The following CNTN6 variants were observed in gnomAD, a reference collection of about 807,000 sequenced individuals.
CNTN6 encodes contactin 6.
CNTN6 carries 137 observed loss-of-function variants against 122.8 expected under a neutral mutation model. That is an observed-to-expected ratio of 1.12 (90% confidence interval 0.97 to 1.29). The LOEUF is 1.29. CNTN6 is among the 50% of genes most tolerant of loss of function. The pLI is 0.00. For missense variants in CNTN6, 1,634 were observed against 1,223.4 expected (o/e 1.34, Z -5.01); for synonymous variants, 570 against 426.0 (o/e 1.34, Z -4.16).
At chr3:1,279,782 T>G (rs1040583175) in intron 5 of CNTN6, among the ~76,000 whole-genome samples, 2 of 152,286 alleles carry the variant, frequency 1.3e-5, no homozygotes, top group African/African-American at 4.8e-5. Flanking sequence ...CTTGAAAGCG[T>G]TTTTCCATTA....
Position 1,140,173 on chromosome 3 carries a change from T to C in CNTN6, c.-82-7754T>C, listed in dbSNP as rs185823432. Among the ~76,000 whole-genome samples the C allele has an allele frequency of 8.5e-5, 13 of 152,326 alleles. No homozygotes were observed. The East Asian group carries it at 1.7e-3, about 20-fold the overall frequency. Reference sequence around the variant, plus strand: ...CTTTTTAGGAACGGAAAGTCAACACTACAAATCCTCAAAGCTATAGCAGCG... The same window carrying C: ...CTTTTTAGGAACGGAAAGTCAACACCACAAATCCTCAAAGCTATAGCAGCG... On this transcript the variant is annotated intron_variant, in intron 1 of 22. Transcript: ENST00000446702.
intron 12 of CNTN6, among the ~76,000 whole-genome samples, chr3:1,365,034 T>C (rs972335358): frequency 1.3e-5 from 2 of 152,018 alleles, no homozygotes; most frequent in Admixed American, 6.6e-5. Context: ...GAATGAGAAA[T>C]GTTCCTCCCT....
chr3:1,201,822 A>T (rs2093876028), intron 2 of CNTN6, among the ~76,000 whole-genome samples: 2 of 152,194 alleles, frequency 1.3e-5, no homozygotes, highest in African/African-American at 4.8e-5. Flanking sequence ...ACAAGGACAA[A>T]TTAATAGCAT....
intron 11 of CNTN6, among the ~76,000 whole-genome samples, chr3:1,333,474 G>T (rs1427491355): frequency 6.6e-6 from 1 of 151,808 alleles, no homozygotes; most frequent in African/African-American, 2.4e-5. Context: ...TATATATGAA[G>T]AATAAAAAAG....
chr3:1,188,207 G>A (rs1033334799), intron 2 of CNTN6, among the ~76,000 whole-genome samples: 3 of 152,056 alleles, frequency 2.0e-5, no homozygotes, highest in African/African-American at 4.8e-5. Context: ...GAACTCAATG[G>A]CTAGTCTGCA....
intron 5 of CNTN6, among the ~76,000 whole-genome samples, chr3:1,292,273 G>A (rs1575580885): frequency 6.6e-6 from 1 of 152,144 alleles, no homozygotes; most frequent in East Asian, 1.9e-4. Flanking sequence ...GCTCTTCAAT[G>A]TAAACAGACA....
At chr3:1,136,495 T>A (rs1316431828) in intron 1 of CNTN6, among the ~76,000 whole-genome samples, 4 of 152,198 alleles carry the variant, frequency 2.6e-5, no homozygotes, top group Non-Finnish European at 4.4e-5. Flanking sequence ...CCTGGAGAGA[T>A]ACAGAAATCC....
intron 2 of CNTN6, among the ~76,000 whole-genome samples, chr3:1,178,057 CG>C (rs1328985703): frequency 6.6e-6 from 1 of 151,902 alleles, no homozygotes; most frequent in Non-Finnish European, 1.5e-5. Flanking sequence ...CCAACCACCA[CG>C]CCTGATTAAT....
intron 4 of CNTN6, among the ~76,000 whole-genome samples, chr3:1,250,270 A>G (rs1196668677): frequency 6.6e-6 from 1 of 152,186 alleles, no homozygotes; most frequent in Non-Finnish European, 1.5e-5. Context: ...TTCAAACACA[A>G]CACTGGCATT....
Position 1,267,764 on chromosome 3 carries a change from G to C in CNTN6, c.359-10649G>C, listed in dbSNP as rs559935961. Among the ~76,000 whole-genome samples the C allele has an allele frequency of 1.5e-4, 23 of 152,064 alleles. No homozygotes were observed. The South Asian group carries it at 4.6e-3, about 30-fold the overall frequency. On this transcript the variant is annotated intron_variant, in intron 4 of 22. Transcript: ENST00000446702. Reference sequence around the variant, plus strand: ...AGTGAGTTGTTTTTTGGCGTCCTGGGAATAATGAATTCAACAAGCTGATCT... The same window carrying C: ...AGTGAGTTGTTTTTTGGCGTCCTGGCAATAATGAATTCAACAAGCTGATCT...
At chr3:1,153,556 A>T (rs186844041) in intron 2 of CNTN6, among the ~76,000 whole-genome samples, 3 of 152,346 alleles carry the variant, frequency 2.0e-5, no homozygotes, top group Admixed American at 1.3e-4. Context: ...GTATTTTTAC[A>T]TAGCTTACTT....
Position 1,123,361 on chromosome 3 carries a change from C to T in CNTN6, c.-82-24566C>T, listed in dbSNP as rs926522101. Among the ~76,000 whole-genome samples the T allele has an allele frequency of 2.0e-5, 3 of 151,792 alleles. No individual in the cohort carries two copies. The East Asian group carries it at 5.8e-4, about 29-fold the overall frequency. On this transcript the variant is annotated intron_variant, in intron 1 of 22. Coordinates refer to ENST00000446702, the MANE Select transcript of CNTN6 (RefSeq NM_001289080.2). The stretch of plus-strand genomic sequence containing the variant: ...TAGTTCTCAGTGTACAAGTCTTTCA[C>T]TTTCTCTGTTACATTTATTCATGGG...
intron 5 of CNTN6, among the ~76,000 whole-genome samples, chr3:1,285,576 G>T (rs1694192127): frequency 6.6e-6 from 1 of 152,144 alleles, no homozygotes; most frequent in South Asian, 2.1e-4. Context: ...CTTAGCATTT[G>T]CAATACTTCA....
At chr3:1,221,783 A>C (rs2094211157) in intron 3 of CNTN6, among the ~76,000 whole-genome samples, 1 of 152,204 alleles carries the variant, frequency 6.6e-6, no homozygotes, top group Admixed American at 6.5e-5. Context: ...AATACAGGAA[A>C]AGAAAATACA....
intron 8 of CNTN6, among the ~76,000 whole-genome samples, chr3:1,323,488 C>G (rs962882326): frequency 4.6e-5 from 7 of 151,848 alleles, no homozygotes; most frequent in Non-Finnish European, 1.0e-4. Context: ...TATTAATTCA[C>G]TTTCTGAAGT....
intron 4 of CNTN6, among the ~76,000 whole-genome samples, chr3:1,271,172 C>T (rs2095020150): frequency 6.6e-6 from 1 of 152,204 alleles, no homozygotes. Flanking sequence ...GCCATGGCGC[C>T]TTGTCTAGAA....
In CNTN6 at chr3:1,383,109, G is replaced by A; in HGVS notation, c.2334G>A (p.Val778=). 1 of 1,614,064 alleles carries A rather than the reference G, an allele frequency of 6.2e-7. No homozygotes were observed. The highest frequency in any genetic ancestry group is 8.5e-7 in the Non-Finnish European group (1 of 1,179,944). The part of the protein sequence containing the change: ...IIPLSPFEVK[V]GVYNNEGEGS... ...CACTGTCTCCCTTTGAAGTCAAAGT[G>A]GGTGTGTATAATAATGAAGGAGAAG... Residue 778 remains valine (V), a synonymous_variant, in exon 18 of 23, where the codon GTG becomes GTA. Transcript: ENST00000446702.
chr3:1,393,846 G>A (rs1694609153), intron 20 of CNTN6, among the ~76,000 whole-genome samples: 1 of 152,030 alleles, frequency 6.6e-6, no homozygotes, highest in African/African-American at 2.4e-5. Context: ...ACCTATACAT[G>A]TTTTAAAATT....
intron 2 of CNTN6, among the ~76,000 whole-genome samples, chr3:1,187,361 T>A (rs1192934166): frequency 6.6e-6 from 1 of 152,156 alleles, no homozygotes. Flanking sequence ...ATAATTAAAG[T>A]TTGTGCCTGC....
Sources: allele counts gnomAD v4.1 joint callset (sites outside exome capture counted in the v4.1 genomes callset), GRCh38; gene constraint gnomAD v4.1.1; transcripts MANE v1.5; gene names NCBI Gene and HGNC (gene_info 2026-07-23, HGNC 2026-07-21).